The following ZNF678 variants were observed in gnomAD, a reference collection of about 807,000 sequenced individuals.
The protein encoded by ZNF678 is hypothetical protein MGC42493.
Under a neutral mutation model 3.0 loss-of-function variants are expected in ZNF678, and 5 were observed. The ratio of observed to expected loss-of-function variants is 1.69; its 90% CI spans 0.88 to 3.56. The LOEUF (loss-of-function observed/expected upper bound fraction) is 3.56. Ranked by LOEUF, ZNF678 falls within the 30% of genes most tolerant of loss-of-function variation. The pLI is 0.00. For missense variants in ZNF678, 593 were observed against 605.0 expected, an observed-to-expected ratio of 0.98 and a Z score of 0.21; for synonymous variants, 218 against 199.6, an observed-to-expected ratio of 1.09 and a Z score of -0.78.
chr1:227,677,925 A>T (rs1659711511), downstream of ZNF678, among the ~76,000 whole-genome samples: 1 of 152,178 alleles, frequency 6.6e-6, no homozygotes, highest in Non-Finnish European at 1.5e-5. Context: ...ACTCATCACC[A>T]TTGACAATCC....
At position 227,659,513 on chromosome 1, in the gene ZNF678, A is replaced by G. The variant is rs1659342599; in HGVS notation, c.*3685A>G. 6.6e-6 allele frequency: 1 copy of G among 151,904 alleles called. No homozygotes were observed. Among genetic ancestry groups the G allele is most frequent in the Non-Finnish European group, 1.5e-5 (1 of 68,018 alleles). 9.4% of individuals were successfully genotyped at this position (151,904 alleles called of 1,614,324 possible). ...AGCACCAGAAACTCCAGGTGTCCCAAACTTAAAGTGAAAGCCATAGAGTCC... is the reference window on the plus strand; with the variant it reads ...AGCACCAGAAACTCCAGGTGTCCCAGACTTAAAGTGAAAGCCATAGAGTCC... On this transcript the variant is annotated 3_prime_UTR_variant, in exon 4 of 4. Coordinates refer to ENST00000343776, the MANE Select transcript of ZNF678 (RefSeq NM_001367909.1).
At chr1:227,649,301 A>G (rs1659032880) in intron 2 of ZNF678, among the ~76,000 whole-genome samples, 1 of 152,154 alleles carries the variant, frequency 6.6e-6, no homozygotes. Flanking sequence ...GACTTCACCA[A>G]TTTACAACTT....
Position 227,612,749 on chromosome 1 carries a change from T to C in ZNF678, c.-163-33795T>C, listed in dbSNP as rs572762012. Among the ~76,000 whole-genome samples the C allele has an allele frequency of 2.0e-5, 3 of 152,320 alleles. No homozygotes were observed. In the East Asian group the frequency reaches 5.8e-4, roughly 29 times the overall value. ...GAAGACTTCTTGTCTCTTACTGTCT[T>C]TTGGTGACATAATTACCCACATGTC... On this transcript the variant is annotated intron_variant, in intron 1 of 3. Coordinates refer to ENST00000343776, the MANE Select transcript of ZNF678 (RefSeq NM_001367909.1).
chr1:227,596,414 C>A (rs1657589854), intron 1 of ZNF678, among the ~76,000 whole-genome samples: 1 of 152,198 alleles, frequency 6.6e-6, no homozygotes, highest in South Asian at 2.1e-4. Context: ...TAAGGGCTCA[C>A]CAGTAATCAG....
At chr1:227,583,844 T>C (rs1253795563) in intron 1 of ZNF678, among the ~76,000 whole-genome samples, 1 of 152,160 alleles carries the variant, frequency 6.6e-6, no homozygotes, top group Admixed American at 6.5e-5. Context: ...TAGGCATGCA[T>C]TGGGCACATG....
chr1:227,613,487 G>T (rs1458808617), intron 1 of ZNF678, among the ~76,000 whole-genome samples: 2 of 152,174 alleles, frequency 1.3e-5, no homozygotes, highest in African/African-American at 4.8e-5. Context: ...CTGTGCATTT[G>T]ATTTCACCTC....
At chr1:227,633,281 G>A (rs1331638947) in intron 1 of ZNF678, among the ~76,000 whole-genome samples, 1 of 152,208 alleles carries the variant, frequency 6.6e-6, no homozygotes, top group Non-Finnish European at 1.5e-5. Context: ...TACAACGGGA[G>A]AAGACCCAAA....
rs1369041080 is a variant in ZNF678, at chr1:227,563,566, T to C, written c.-322T>C. 15 of 736,760 alleles carry C rather than the reference T, an allele frequency of 2.0e-5. No homozygotes were observed. The Admixed American group carries it at 3.3e-4, about 16-fold the overall frequency. 45.6% of individuals were successfully genotyped at this position (736,760 alleles called of 1,614,324 possible). A position where few individuals can be genotyped will look rare whatever the true frequency, so the allele number is the denominator to read the frequency against. ...GGGATCTGGCGGGGCCTTTGTCTTG[T>C]GCTCCAGCTGGAGCTTTGGTCCCGT... is the stretch of plus-strand genomic sequence containing the variant. On this transcript the variant is annotated 5_prime_UTR_variant, in exon 1 of 4. Transcript: ENST00000343776.
At chr1:227,597,632 C>T (rs896326570) in intron 1 of ZNF678, among the ~76,000 whole-genome samples, 4 of 152,114 alleles carry the variant, frequency 2.6e-5, no homozygotes, top group Non-Finnish European at 2.9e-5. Flanking sequence ...AATCCCAGAG[C>T]TTTTGGGGCT....
intron 1 of ZNF678, among the ~76,000 whole-genome samples, chr1:227,605,818 G>T (rs926118892): frequency 1.3e-4 from 20 of 152,016 alleles, no homozygotes; most frequent in Non-Finnish European, 8.8e-5. Flanking sequence ...ACCACTATGA[G>T]AATAATAAAT....
intron 1 of ZNF678, among the ~76,000 whole-genome samples, chr1:227,642,637 T>G (rs1325991388): frequency 6.6e-6 from 1 of 152,090 alleles, no homozygotes; most frequent in Non-Finnish European, 1.5e-5. Context: ...GAATTGGTCC[T>G]GCCTGATTCA....
At chr1:227,614,173 A>T (rs549066091) in intron 1 of ZNF678, among the ~76,000 whole-genome samples, 2 of 152,294 alleles carry the variant, frequency 1.3e-5, no homozygotes, top group Admixed American at 6.5e-5. Context: ...TCAGAGTCCT[A>T]TTGTCAGCCC....
intron 1 of ZNF678, among the ~76,000 whole-genome samples, chr1:227,584,757 G>A (rs1657215243): frequency 6.6e-6 from 1 of 152,188 alleles, no homozygotes; most frequent in Non-Finnish European, 1.5e-5. Context: ...TTACTAAGAG[G>A]AAACAAGGAT....
chr1:227,646,511 T>C, intron 1 of ZNF678, 33 bp from the exon 2 acceptor site: 1 of 1,348,054 alleles, frequency 7.4e-7, no homozygotes, highest in Non-Finnish European at 9.8e-7. Context: ...ATGGCACATT[T>C]TGTAAATACG....
intron 1 of ZNF678, among the ~76,000 whole-genome samples, chr1:227,640,532 G>A (rs1360307579): frequency 6.6e-6 from 1 of 152,078 alleles, no homozygotes; most frequent in African/African-American, 2.4e-5. Context: ...AGAGGTCGGG[G>A]TGTAATCTGA....
At chr1:227,641,488 A>G (rs975431749) in intron 1 of ZNF678, among the ~76,000 whole-genome samples, 2 of 152,198 alleles carry the variant, frequency 1.3e-5, no homozygotes, top group East Asian at 1.9e-4. Flanking sequence ...AAAAAAAAGC[A>G]ACAGTTTTCT....
At chr1:227,574,919 C>A (rs553771912) in intron 1 of ZNF678, among the ~76,000 whole-genome samples, 155 of 151,544 alleles carry the variant, frequency 1.0e-3, no homozygotes, top group African/African-American at 3.6e-3. Context: ...AATAGGGAAT[C>A]TTTTCCCCAT....
intron 1 of ZNF678, among the ~76,000 whole-genome samples, chr1:227,635,472 A>C (rs902550572): frequency 6.6e-6 from 1 of 151,858 alleles, no homozygotes; most frequent in Non-Finnish European, 1.5e-5. Context: ...TAGCCAAAAC[A>C]CAGATGACCT....
At chr1:227,589,101 T>G (rs895107736) in intron 1 of ZNF678, among the ~76,000 whole-genome samples, 7 of 147,656 alleles carry the variant, frequency 4.7e-5, no homozygotes, top group Non-Finnish European at 7.5e-5. Flanking sequence ...GTCTGTTCAC[T>G]CTGATGATCA....
Sources: allele counts gnomAD v4.1 joint callset (sites outside exome capture counted in the v4.1 genomes callset), GRCh38; gene constraint gnomAD v4.1.1; transcripts MANE v1.5; gene names NCBI Gene and HGNC (gene_info 2026-07-23, HGNC 2026-07-21).